ZNF347: variants seen among roughly 807,000 people sequenced by gnomAD.
ZNF347 encodes CTD-2620I22.7.
In ZNF347, 19 loss-of-function variants were observed where a neutral mutation model predicts 12.9. The observed-to-expected ratio is 1.47, with a 90% CI of 1.03 to 2.16. The LOEUF is 2.16. Ranked by LOEUF, ZNF347 falls within the 30% of genes most tolerant of loss-of-function variation. The pLI is 0.00. For synonymous variants in ZNF347, 328 were observed against 340.6 expected (o/e 0.96, Z 0.41); for missense variants, 1,005 against 990.6 (o/e 1.01, Z -0.19).
At position 53,135,129 on chromosome 19, in the gene ZNF347, A is replaced by G. The variant is rs1285632976; in HGVS notation, c.*5179T>C. On this transcript the variant is annotated 3_prime_UTR_variant, in exon 5 of 5. Transcript: ENST00000334197. ...TTTGCAACCAGACAACATGGATTCA[A>G]ATCTCGATTCTGCCTCTTACTGAAA... is the stretch of plus-strand genomic sequence containing the variant. 1 of 151,962 alleles carries G rather than the reference A, an allele frequency of 6.6e-6. No individual in the cohort carries two copies. The highest frequency in any genetic ancestry group is 1.9e-4 in the East Asian group (1 of 5,178). 9.4% of individuals were successfully genotyped at this position (151,962 alleles called of 1,614,324 possible). A position where few individuals can be genotyped will look rare whatever the true frequency, so the allele number is the denominator to read the frequency against.
chr19:53,154,850 T>TAAA (rs983389144), intron 1 of ZNF347, among the ~76,000 whole-genome samples: 1 of 138,448 alleles, frequency 7.2e-6, no homozygotes, highest in Non-Finnish European at 1.6e-5. Context: ...GAACATAAAG[T>TAAA]AAAAAAAAAA....
rs766414180 is a variant in ZNF347 at position 53,141,221 on chromosome 19, G to A, written c.1607C>T (p.Thr536Ile). The A allele has an allele frequency of 6.2e-7, 1 of 1,608,418 alleles. No homozygotes were observed. The highest frequency in any genetic ancestry group is 8.5e-7 in the Non-Finnish European group (1 of 1,175,772). Residue 536 changes from threonine (T) to isoleucine (I), a missense_variant, in exon 5 of 5, where the codon ACT becomes ATT. Thr to Ile is a moderately conservative substitution (Grantham distance 89, BLOSUM62 -1). Transcript: ENST00000334197. ...SHLANHQRIHTGVKPYMCNEC... is the reference protein window; with the variant it reads ...SHLANHQRIHIGVKPYMCNEC... The stretch of plus-strand genomic sequence containing the variant: ...ATTACACATATAAGGCTTCACTCCA[G>A]TATGAATTCTTTGATGATTTGCAAG...
At chr19:53,150,498 A>G (rs940944107) in intron 2 of ZNF347, among the ~76,000 whole-genome samples, 2 of 152,230 alleles carry the variant, frequency 1.3e-5, no homozygotes, top group Non-Finnish European at 2.9e-5. Flanking sequence ...AAAATACACA[A>G]ATATACAAAT....
At chr19:53,145,789 A>G (rs1157158380) in intron 4 of ZNF347, among the ~76,000 whole-genome samples, 2 of 152,114 alleles carry the variant, frequency 1.3e-5, no homozygotes, top group African/African-American at 4.8e-5. Flanking sequence ...ATAAACACCT[A>G]TATCAAAAAA....
At chr19:53,143,552 T>C (rs2090443588) in intron 4 of ZNF347, among the ~76,000 whole-genome samples, 1 of 151,940 alleles carries the variant, frequency 6.6e-6, no homozygotes, top group South Asian at 2.1e-4. Context: ...AAAAAGGACA[T>C]GAACTCATCA....
At chr19:53,151,141 A>G (rs376119460) in intron 2 of ZNF347, among the ~76,000 whole-genome samples, 2 of 152,232 alleles carry the variant, frequency 1.3e-5, no homozygotes, top group African/African-American at 4.8e-5. Context: ...AGATAAATGT[A>G]TATGACAGAC....
chr19:53,137,429 C>T lies in ZNF347; in HGVS notation c.*2879G>A, dbSNP rs1398567761. The T allele has an allele frequency of 6.6e-6, 1 of 152,122 alleles. No individual in the cohort carries two copies. The highest frequency in any genetic ancestry group is 2.4e-5 in the African/African-American group (1 of 41,424). 9.4% of individuals were successfully genotyped at this position (152,122 alleles called of 1,614,324 possible). ...TTTATTAAAGGTTATTACCATAACA[C>T]CCCAAGCAAGTTATTTATCCCTGCT... On this transcript the variant is annotated 3_prime_UTR_variant, in exon 5 of 5. Transcript: ENST00000334197.
intron 4 of ZNF347, among the ~76,000 whole-genome samples, chr19:53,144,846 C>T (rs1241348543): frequency 6.6e-6 from 1 of 152,108 alleles, no homozygotes; most frequent in Non-Finnish European, 1.5e-5. Context: ...ACATATTCTT[C>T]TCATCAGCAC....
intron 4 of ZNF347, among the ~76,000 whole-genome samples, chr19:53,144,098 T>TG (rs2090446796): frequency 0.016 from 1 of 62 alleles, no homozygotes; most frequent in Non-Finnish European, 0.026. Context: ...TGTGTTTAAG[T>TG]GATTTCTCTG....
chr19:53,155,008 G>A (rs2090522835), intron 1 of ZNF347, among the ~76,000 whole-genome samples: 1 of 151,842 alleles, frequency 6.6e-6, no homozygotes. Flanking sequence ...TGCGATCTCG[G>A]CTCACCGTAA....
intron 1 of ZNF347, among the ~76,000 whole-genome samples, chr19:53,158,220 G>GA (rs2090547980): frequency 6.6e-6 from 1 of 152,144 alleles, no homozygotes; most frequent in Admixed American, 6.5e-5. Flanking sequence ...CGGGGACTGC[G>GA]AAGGGGAGGC....
Position 53,141,465 on chromosome 19 carries a change from T to A in ZNF347, c.1363A>T (p.Lys455Ter). 1 of 1,613,888 alleles carries A rather than the reference T, an allele frequency of 6.2e-7. No individual in the cohort carries two copies. The highest frequency in any genetic ancestry group is 8.5e-7 in the Non-Finnish European group (1 of 1,180,000). Residue 455 changes from lysine to a stop codon, truncating the protein, a stop_gained, in exon 5 of 5, where the codon AAG becomes TAG. Coordinates refer to ENST00000334197, the MANE Select transcript of ZNF347 (RefSeq NM_032584.3). LOFTEE classifies it low-confidence loss of function (END_TRUNC). ...CCGCATTCATGACATTTGTAAGGCT[T>A]TTCTCCGGTGTGAATTACCAGATGA... ...AIHLVIHTGE[K>*]PYKCHECGKV...
At chr19:53,153,234 A>G (rs1025280882) in intron 2 of ZNF347, among the ~76,000 whole-genome samples, 15 of 152,204 alleles carry the variant, frequency 9.9e-5, no homozygotes, top group Non-Finnish European at 1.6e-4. Context: ...CCAGTCATTA[A>G]TAAGAGTTTG....
intron 1 of ZNF347, among the ~76,000 whole-genome samples, chr19:53,154,695 A>C (rs1450043204): frequency 6.6e-6 from 1 of 152,176 alleles, no homozygotes; most frequent in East Asian, 1.9e-4. Context: ...CATGCTACTG[A>C]TAGGAATGGA....
At position 53,140,151 on chromosome 19, in the gene ZNF347, C is replaced by T. The variant is rs1005206572; in HGVS notation, c.*157G>A. The T allele has an allele frequency of 1.9e-4, 130 of 698,654 alleles. No homozygotes were observed. Among genetic ancestry groups the T allele is most frequent in the Middle Eastern group, 3.9e-4 (1 of 2,542 alleles). 43.3% of individuals were successfully genotyped at this position (698,654 alleles called of 1,614,324 possible). On this transcript the variant is annotated 3_prime_UTR_variant, in exon 5 of 5. Transcript: ENST00000334197. ...CTGACCTCAGGTGATCCACCTGCCT[C>T]GGACTCCCAAAGTGTTGGGATTACA... is the stretch of plus-strand genomic sequence containing the variant.
At chr19:53,152,882 AT>A (rs1413917850) in intron 2 of ZNF347, among the ~76,000 whole-genome samples, 9 of 151,538 alleles carry the variant, frequency 5.9e-5, no homozygotes, top group Non-Finnish European at 7.4e-5. Flanking sequence ...TTGGGCTGAG[AT>A]CATGCCACTG....
Position 53,140,484 on chromosome 19 carries a change from T to C in ZNF347, c.2344A>G (p.Arg782Gly). ...TCTCCGGTATGAATTCTCTGATGCC[T>C]TGCAAGTTTTGAAGTTTGACTAAAG... ...KAFSQTSKLA[R>G]HQRIHTGEKP... The change falls in exon 5 of 5, where the codon AGG becomes GGG. Residue 782 changes from arginine to glycine, a missense_variant. Coordinates refer to ENST00000334197, the MANE Select transcript of ZNF347 (RefSeq NM_032584.3). The C allele has an allele frequency of 6.2e-7, 1 of 1,613,864 alleles. No homozygotes were observed.
rs2090404305 is a variant in ZNF347 at position 53,139,253 on chromosome 19, C to G, written c.*1055G>C. The stretch of plus-strand genomic sequence containing the variant: ...ACACAATCAGTATGATGATTGATAT[C>G]ATAGTTTTACATTATTTTCTGCCCC... On this transcript the variant is annotated 3_prime_UTR_variant, in exon 5 of 5. Transcript: ENST00000334197. 6.6e-6 allele frequency: 1 copy of G among 152,164 alleles called. No individual in the cohort carries two copies. The highest frequency in any genetic ancestry group is 6.5e-5 in the Admixed American group (1 of 15,272). 9.4% of individuals were successfully genotyped at this position (152,164 alleles called of 1,614,324 possible).
Position 53,137,737 on chromosome 19 carries a change from CTT to C in ZNF347, c.*2569_*2570del, listed in dbSNP as rs1350710317. The C allele has an allele frequency of 1.3e-5, 2 of 152,094 alleles. No homozygotes were observed. Among genetic ancestry groups the C allele is most frequent in the African/African-American group, 2.4e-5 (1 of 41,422 alleles). 9.4% of individuals were successfully genotyped at this position (152,094 alleles called of 1,614,324 possible). ...TAAGAGGAAACTCATGAATATTAGT[CTT>C]GTCAAATTATGTGAGCATAGCATTC... On this transcript the variant is annotated 3_prime_UTR_variant, in exon 5 of 5. Coordinates refer to ENST00000334197, the MANE Select transcript of ZNF347 (RefSeq NM_032584.3).
Sources: gnomAD v4.1 joint callset for allele counts (sites outside exome capture counted in the v4.1 genomes callset) on GRCh38, gnomAD v4.1.1 for gene constraint, MANE v1.5 for transcripts, NCBI Gene and HGNC (gene_info 2026-07-23, HGNC 2026-07-21) for gene names.